LY9: variants seen among roughly 807,000 people sequenced by gnomAD.
LY9 encodes lymphocyte antigen 9.
LY9 carries 59 observed loss-of-function variants against 64.6 expected under a neutral mutation model. The observed-to-expected ratio is 0.91, with a 90% CI of 0.74 to 1.13. The LOEUF is 1.13. LY9 is among the 50% of genes most tolerant of loss of function. The pLI is 0.00. For missense variants in LY9, 789 were observed against 797.2 expected (o/e 0.99, Z 0.12); for synonymous variants, 281 against 308.5 (o/e 0.91, Z 0.93).
chr1:160,816,011 T>C (rs1329547543), intron 4 of LY9, among the ~76,000 whole-genome samples: 2 of 152,216 alleles, frequency 1.3e-5, no homozygotes, highest in Non-Finnish European at 2.9e-5. Flanking sequence ...CATGGTTTTG[T>C]TAAAATATGA....
Position 160,814,556 on chromosome 1 carries a change from T to C in LY9, c.867T>C (p.Ile289=), listed in dbSNP as rs377197277. ...TCTGGTTGTTTAACACATCCATCAT[T>C]AGCAAAGAGAGGGAAGAAGCAGCAA... ...KVVWLFNTSI[I]SKEREEAATA... The change falls in exon 4 of 10, where the codon ATT becomes ATC. Residue 289 remains isoleucine (I), a synonymous_variant. Coordinates refer to ENST00000263285, the MANE Select transcript of LY9 (RefSeq NM_002348.4). The C allele has an allele frequency of 1.7e-5, 28 of 1,613,900 alleles. No homozygotes were observed. The highest frequency in any genetic ancestry group is 2.3e-5 in the Non-Finnish European group (27 of 1,180,000).
rs746870266 is a variant in LY9 at position 160,816,543 on chromosome 1, T to C, written c.1073-51T>C. ...TTTTCAATGAATGAAGACAGGTGACTGCTCAGGGGGCAGGCCTGATTCCAC... is the reference window on the plus strand; with the variant it reads ...TTTTCAATGAATGAAGACAGGTGACCGCTCAGGGGGCAGGCCTGATTCCAC... On this transcript the variant is annotated intron_variant, in intron 4 of 9. Transcript: ENST00000263285. The C allele has an allele frequency of 1.3e-5, 20 of 1,524,792 alleles. No homozygotes were observed. The Middle Eastern group carries it at 6.1e-4, about 46-fold the overall frequency. The allele number at this position is 1,524,792 out of a possible 1,614,324, so 94.5% of individuals were successfully genotyped here.
At position 160,808,524 on chromosome 1, in the gene LY9, G is replaced by C. The variant is rs181493920; in HGVS notation, c.455-5112G>C. On this transcript the variant is annotated intron_variant, in intron 2 of 9. Transcript: ENST00000263285. Reference sequence around the variant, plus strand: ...AGTTTCAGGGATTGGGAGGGTCAAAGGGGTCTCATGTGGCCAGGACTGCAT... The same window carrying C: ...AGTTTCAGGGATTGGGAGGGTCAAACGGGTCTCATGTGGCCAGGACTGCAT... Among the ~76,000 whole-genome samples the C allele has an allele frequency of 7.2e-4, 110 of 152,286 alleles. 1 individual carries two copies. The East Asian group carries it at 0.014, about 20-fold the overall frequency.
At chr1:160,810,798 T>C (rs1667413825) in intron 2 of LY9, 1 of 152,182 alleles carries the variant, frequency 6.6e-6, no homozygotes, top group Non-Finnish European at 1.5e-5. Flanking sequence ...ACTTGAGATA[T>C]GATTCACCCT....
At chr1:160,826,672 T>G (rs1668869145) in intron 9 of LY9, among the ~76,000 whole-genome samples, 1 of 152,164 alleles carries the variant, frequency 6.6e-6, no homozygotes, top group Non-Finnish European at 1.5e-5. Flanking sequence ...GAAAAAGGAA[T>G]TTGGGTTGGG....
intron 2 of LY9, among the ~76,000 whole-genome samples, chr1:160,809,189 ATTC>A (rs1558091481): frequency 7.5e-6 from 1 of 133,734 alleles, no homozygotes. Flanking sequence ...TGGTATATGC[ATTC>A]TTTTTTTTTT....
intron 7 of LY9, among the ~76,000 whole-genome samples, chr1:160,820,447 T>C (rs570810641): frequency 4.6e-5 from 7 of 152,286 alleles, no homozygotes; most frequent in African/African-American, 1.7e-4. Context: ...TAAAACTATA[T>C]GTCACCCCTC....
chr1:160,811,621 C>G (rs756861458), intron 2 of LY9: 4 of 152,208 alleles, frequency 2.6e-5, no homozygotes, highest in Non-Finnish European at 4.4e-5. Flanking sequence ...CTGCTTTCCA[C>G]AAAACACTAG....
chr1:160,801,153 A>C (rs1184884268), intron 2 of LY9, among the ~76,000 whole-genome samples: 4 of 152,198 alleles, frequency 2.6e-5, no homozygotes, highest in Admixed American at 2.6e-4. Flanking sequence ...ATTGTTTTGC[A>C]TAGTGGCTGT....
Position 160,823,452 on chromosome 1 carries a change from C to A in LY9, c.1499-13C>A. ...TTGGCATACTTTTATCAGCCCTGCA[C>A]AATGTGTTCCAGAACCCACAGCTGG... is the stretch of plus-strand genomic sequence containing the variant. On this transcript the variant is annotated splice_polypyrimidine_tract_variant and intron_variant, in intron 7 of 9. Transcript: ENST00000263285. 1.3e-6 allele frequency: 2 copies of A among 1,597,336 alleles called. No individual in the cohort carries two copies. Among genetic ancestry groups the A allele is most frequent in the Non-Finnish European group, 1.7e-6 (2 of 1,167,172 alleles).
intron 7 of LY9, among the ~76,000 whole-genome samples, chr1:160,819,861 G>A (rs200025833): frequency 1.2e-5 from 1 of 86,674 alleles, no homozygotes; most frequent in Non-Finnish European, 2.6e-5. Context: ...GGAAGGGAGG[G>A]AGGGAGGGAG....
At chr1:160,810,989 T>C (rs1667426906) in intron 2 of LY9, 1 of 152,218 alleles carries the variant, frequency 6.6e-6, no homozygotes, top group African/African-American at 2.4e-5. Context: ...TTCCATTAGA[T>C]TTTAAGGCTC....
chr1:160,808,510 T>C (rs1027417947), intron 2 of LY9, among the ~76,000 whole-genome samples: 1 of 152,078 alleles, frequency 6.6e-6, no homozygotes, highest in Admixed American at 6.5e-5. Flanking sequence ...GTTTCAGGGA[T>C]TGGGAGGGTC....
intron 3 of LY9, among the ~76,000 whole-genome samples, chr1:160,814,170 T>C (rs1463137283): frequency 6.6e-6 from 1 of 152,108 alleles, no homozygotes; most frequent in East Asian, 1.9e-4. Context: ...TGGTCTTTGC[T>C]TGGGTGGAGG....
At chr1:160,805,600 C>A (rs1182571421) in intron 2 of LY9, among the ~76,000 whole-genome samples, 1 of 152,140 alleles carries the variant, frequency 6.6e-6, no homozygotes, top group Non-Finnish European at 1.5e-5. Context: ...CTGTAAATAT[C>A]TGTTAGGTCC....
chr1:160,796,967 C>A (rs1198899263), intron 1 of LY9: 2 of 232,746 alleles, frequency 8.6e-6, no homozygotes, highest in Non-Finnish European at 1.4e-5. Context: ...GAGCTTCTTT[C>A]TATGTATCCT....
chr1:160,797,210 G>A (rs1665971647), intron 1 of LY9: 1 of 985,388 alleles, frequency 1.0e-6, no homozygotes, highest in Admixed American at 6.1e-5. Context: ...CAGCCACCTG[G>A]GACTGTGGCA....
intron 2 of LY9, among the ~76,000 whole-genome samples, chr1:160,807,556 C>T (rs371271823): frequency 3.3e-5 from 5 of 152,100 alleles, no homozygotes; most frequent in Non-Finnish European, 7.4e-5. Context: ...GCTCAGATAC[C>T]GATAATGGCA....
At chr1:160,798,448 G>A (rs1405808651) in intron 1 of LY9, among the ~76,000 whole-genome samples, 1 of 152,170 alleles carries the variant, frequency 6.6e-6, no homozygotes, top group Non-Finnish European at 1.5e-5. Context: ...TTTACATAAA[G>A]TACCTAATGC....
Sources: gnomAD v4.1 joint callset for allele counts (sites outside exome capture counted in the v4.1 genomes callset) on GRCh38, gnomAD v4.1.1 for gene constraint, MANE v1.5 for transcripts, NCBI Gene and HGNC (gene_info 2026-07-23, HGNC 2026-07-21) for gene names.